TBCD: variants seen among roughly 807,000 people sequenced by gnomAD.
TBCD encodes the protein tubulin folding cofactor D, also known as tubulin-specific chaperone D.
TBCD carries 105 observed loss-of-function variants against 169.3 expected under a neutral mutation model. The observed-to-expected ratio is 0.62, with a 90% confidence interval of 0.53 to 0.73. TBCD has a LOEUF of 0.73. TBCD is among the 30% of genes least tolerant of loss of function. TBCD has a pLI of 0.00. For missense variants in TBCD, 1,444 were observed against 1,600.1 expected (o/e 0.90, Z 1.66); for synonymous variants, 700 against 643.9 (o/e 1.09, Z -1.32).
At chr17:82,770,007 G>A (rs960600996) in intron 5 of TBCD, among the ~76,000 whole-genome samples, 2 of 151,842 alleles carry the variant, frequency 1.3e-5, no homozygotes, top group African/African-American at 2.4e-5. Flanking sequence ...TCGTTTAACC[G>A]AGAAGGCAAC....
intron 13 of TBCD, among the ~76,000 whole-genome samples, chr17:82,820,314 CTTA>C (rs1424831854): frequency 2.0e-5 from 3 of 152,174 alleles, no homozygotes; most frequent in African/African-American, 7.2e-5. Context: ...ACATGTGCTC[CTTA>C]TTATGCATTT....
chr17:82,829,948 C>T, intron 13 of TBCD: 1 of 901,738 alleles, frequency 1.1e-6, no homozygotes, highest in Non-Finnish European at 1.6e-6. Flanking sequence ...GTAGAAGCAC[C>T]TTTTAATATT....
intron 13 of TBCD, among the ~76,000 whole-genome samples, chr17:82,843,256 C>T (rs1174994055): frequency 6.6e-6 from 1 of 151,972 alleles, no homozygotes; most frequent in African/African-American, 2.4e-5. Context: ...CTCCAGTTAA[C>T]ACAGCTGTCT....
intron 13 of TBCD, among the ~76,000 whole-genome samples, chr17:82,851,182 A>T (rs566967056): frequency 8.8e-4 from 134 of 152,370 alleles, no homozygotes; most frequent in African/African-American, 3.1e-3. Flanking sequence ...CTGGATACAG[A>T]ATAATAAAGG....
At position 82,846,786 on chromosome 17, in the gene TBCD, G is replaced by T. The variant is rs192615981; in HGVS notation, c.1319-23438G>T. Among the ~76,000 whole-genome samples the T allele has an allele frequency of 1.4e-4, 22 of 152,354 alleles. No individual in the cohort carries two copies. In the East Asian group the frequency reaches 4.2e-3, roughly 29 times the overall value. ...CCTGCAGGCCCCTGTGTTTTGGGAAGTTGATTTAACTGAACAGAGCGCAGC... is the reference window on the plus strand; with the variant it reads ...CCTGCAGGCCCCTGTGTTTTGGGAATTTGATTTAACTGAACAGAGCGCAGC... On this transcript the variant is annotated intron_variant, in intron 13 of 38. Coordinates refer to ENST00000355528, the MANE Select transcript of TBCD (RefSeq NM_005993.5).
chr17:82,838,650 C>A, intron 13 of TBCD: 1 of 985,404 alleles, frequency 1.0e-6, no homozygotes, highest in African/African-American at 1.7e-5. Context: ...TGAGCTTTTC[C>A]AGTGATTGAC....
intron 17 of TBCD, among the ~76,000 whole-genome samples, chr17:82,897,020 A>T (rs2059536612): frequency 6.6e-6 from 1 of 152,078 alleles, no homozygotes; most frequent in African/African-American, 2.4e-5. Context: ...TTCAGTCATC[A>T]TCCATTTCAG....
chr17:82,866,283 C>T (rs2057165596), intron 13 of TBCD, among the ~76,000 whole-genome samples: 1 of 152,120 alleles, frequency 6.6e-6, no homozygotes, highest in South Asian at 2.1e-4. Context: ...AGAAGCAGTC[C>T]TCACTCCATT....
chr17:82,764,202 G>A (rs1300641867), intron 3 of TBCD, 140 bp downstream of exon 3: 1 of 675,348 alleles, frequency 1.5e-6, no homozygotes, highest in Non-Finnish European at 2.5e-6. Flanking sequence ...CCTTTTTACT[G>A]TATGTTGGGG....
At chr17:82,798,186 G>A (rs1465767088) in intron 8 of TBCD, among the ~76,000 whole-genome samples, 2 of 138,814 alleles carry the variant, frequency 1.4e-5, no homozygotes, top group Non-Finnish European at 3.0e-5. Context: ...TCTCTCTGTC[G>A]CCCAGGCTGG....
At chr17:82,919,129 CG>C (rs35131695) in intron 23 of TBCD, among the ~76,000 whole-genome samples, 60,486 of 151,736 alleles carry the variant, frequency 0.4, 12,633 homozygotes, top group African/African-American at 0.52. Context: ...AAGTAGTTTA[CG>C]GGGGGGGCCC....
Position 82,831,185 on chromosome 17 carries a change from T to A in TBCD, c.1318+16251T>A, listed in dbSNP as rs748115141. 1 of 1,614,142 alleles carries A rather than the reference T, an allele frequency of 6.2e-7. No homozygotes were observed. The highest frequency in any genetic ancestry group is 8.5e-7 in the Non-Finnish European group (1 of 1,180,024). On this transcript the variant is annotated intron_variant, in intron 13 of 38. Coordinates refer to ENST00000355528, the MANE Select transcript of TBCD (RefSeq NM_005993.5). This position sits in a 1 kb window ranked among gnomAD's most constrained non-coding sequence, Gnocchi z 4.6. The stretch of plus-strand genomic sequence containing the variant: ...TCGTACAGGCCTTCGCAGGTCTGGC[T>A]CGTCTGCATGAAGTCGGTGGGGCTC...
intron 32 of TBCD, chr17:82,929,833 G>A (rs1168168091): frequency 2.1e-6 from 1 of 474,592 alleles, no homozygotes; most frequent in East Asian, 4.1e-5. Flanking sequence ...GGCTCCATCA[G>A]GTTCTAGATC....
chr17:82,774,297 C>G (rs2048452610), intron 6 of TBCD, among the ~76,000 whole-genome samples: 1 of 152,160 alleles, frequency 6.6e-6, no homozygotes, highest in Admixed American at 6.5e-5. Context: ...CAAAGCACAT[C>G]TTGCACCGCC....
Position 82,828,504 on chromosome 17 carries a change from A to AC in TBCD, c.1318+13578dup, listed in dbSNP as rs368420925. 7.2e-3 allele frequency among the ~76,000 whole-genome samples: 807 copies of AC among 112,150 alleles called. 12 individuals are homozygous for AC. The highest frequency in any genetic ancestry group is 0.043 in the East Asian group (143 of 3,290). 73.6% of individuals were successfully genotyped at this position (112,150 alleles called of 152,430 possible). ...CGTGCACATCCACACAATCGAATGCACCCCCCCCGCAGATATGCACACGTG... is the reference window on the plus strand; with the variant it reads ...CGTGCACATCCACACAATCGAATGCACCCCCCCCCGCAGATATGCACACGTG... On this transcript the variant is annotated intron_variant, in intron 13 of 38. Transcript: ENST00000355528.
intron 34 of TBCD, among the ~76,000 whole-genome samples, chr17:82,936,144 G>A (rs887823599): frequency 3.9e-5 from 6 of 152,138 alleles, no homozygotes; most frequent in East Asian, 1.9e-4. Context: ...TCACGCTCAC[G>A]TGTTTCCCTC....
At chr17:82,871,888 C>T (rs1191721979) in intron 14 of TBCD, among the ~76,000 whole-genome samples, 2 of 152,192 alleles carry the variant, frequency 1.3e-5, no homozygotes, top group East Asian at 1.9e-4. Context: ...CGGGTGTAAG[C>T]GCCACTGCCT....
At chr17:82,830,402 GGGCCAC>G in intron 13 of TBCD, 1 of 1,611,892 alleles carries the variant, frequency 6.2e-7, no homozygotes, top group Non-Finnish European at 8.5e-7. Flanking sequence ...AGCTGGCACA[GGGCCAC>G]GGCTGCCGTC....
chr17:82,865,743 G>T (rs1458939112), intron 13 of TBCD, among the ~76,000 whole-genome samples: 3 of 152,208 alleles, frequency 2.0e-5, no homozygotes, highest in Admixed American at 2.0e-4. Flanking sequence ...TTTGTGGAGG[G>T]ATTATTTCTA....
Sources: allele counts gnomAD v4.1 joint callset (sites outside exome capture counted in the v4.1 genomes callset), GRCh38; gene constraint gnomAD v4.1.1; non-coding constraint Gnocchi (gnomAD v3.1); transcripts MANE v1.5; gene names NCBI Gene and HGNC (gene_info 2026-07-23, HGNC 2026-07-21).